Variants in DSG1 observed in about 807,000 individuals in gnomAD.
The protein encoded by DSG1 is desmoglein-1.
DSG1 carries 39 observed loss-of-function variants against 97.5 expected under a neutral mutation model. The observed-to-expected ratio is 0.40, with a 90% CI of 0.31 to 0.52. The LOEUF is 0.52. Ranked by LOEUF, DSG1 falls within the 20% of genes least tolerant of loss-of-function variation. The pLI, the probability that DSG1 is intolerant of heterozygous loss-of-function variation, is 0.53. For missense variants in DSG1, 1,311 were observed against 1,295.4 expected (o/e 1.01, Z -0.18); for synonymous variants, 475 against 443.4 (o/e 1.07, Z -0.90).
intron 6 of DSG1, 145 bp from the exon 7 acceptor site, chr18:31,333,444 T>G: frequency 1.1e-6 from 1 of 895,938 alleles, no homozygotes; most frequent in East Asian, 2.5e-5. Context: ...CATGTGAAAC[T>G]TGTGGATTTC....
intron 13 of DSG1, among the ~76,000 whole-genome samples, chr18:31,345,630 T>C (rs1051654135): frequency 4.4e-5 from 5 of 112,918 alleles, no homozygotes; most frequent in Non-Finnish European, 7.0e-5. Flanking sequence ...AGTTATACAC[T>C]GGGGCTTCTA....
At position 31,339,950 on chromosome 18, in the gene DSG1, G is replaced by T. The variant is rs34302455; in HGVS notation, c.1612G>T (p.Asp538Tyr). Residue 538 changes from aspartate (D) to tyrosine (Y), a missense_variant, in exon 11 of 15, where the codon GAT becomes TAT. Transcript: ENST00000257192. ...TTCTGAACCCGGAAACGGAGCCAAA[G>T]ATTTGTTATCAGACAATGTACATTT... ...YSSEPGNGAK[D>Y]LLSDNVHFGP... The T allele has an allele frequency of 6.2e-7, 1 of 1,613,758 alleles. No individual in the cohort carries two copies. The highest frequency in any genetic ancestry group is 1.3e-5 in the African/African-American group (1 of 74,834).
intron 1 of DSG1, among the ~76,000 whole-genome samples, chr18:31,325,771 T>G (rs1309713244): frequency 1.3e-5 from 2 of 152,170 alleles, no homozygotes; most frequent in African/African-American, 2.4e-5. Flanking sequence ...GAATAGGCTA[T>G]CTCATATTTT....
At chr18:31,324,251 G>C (rs1372723704) in intron 1 of DSG1, among the ~76,000 whole-genome samples, 1 of 150,208 alleles carries the variant, frequency 6.7e-6, no homozygotes, top group Non-Finnish European at 1.5e-5. Context: ...CAAAGTGCTG[G>C]GATTACAGGC....
chr18:31,344,146 G>A, intron 13 of DSG1, 151 bp downstream of exon 13: 1 of 675,380 alleles, frequency 1.5e-6, no homozygotes, highest in Non-Finnish European at 2.5e-6. Context: ...TAAATGGCAA[G>A]GAAAAACCTA....
At chr18:31,323,326 T>C (rs868595405) in intron 1 of DSG1, among the ~76,000 whole-genome samples, 3 of 152,320 alleles carry the variant, frequency 2.0e-5, no homozygotes, top group South Asian at 4.1e-4. Flanking sequence ...CTAGGTCATT[T>C]AGGAGAGTGT....
chr18:31,325,321 AGCACTGGC>A (rs918273704), intron 1 of DSG1, among the ~76,000 whole-genome samples: 33 of 152,234 alleles, frequency 2.2e-4, no homozygotes, highest in African/African-American at 8.0e-4. Context: ...ACAAACAGCA[AGCACTGGC>A]GCTCCAATGC....
chr18:31,338,907 C>T (rs750784944), intron 10 of DSG1, among the ~76,000 whole-genome samples: 3 of 152,062 alleles, frequency 2.0e-5, no homozygotes, highest in African/African-American at 7.2e-5. Flanking sequence ...TGTTTTTATT[C>T]ATTTATTTAG....
chr18:31,346,003 T>A lies in DSG1; in HGVS notation c.1905T>A (p.Asn635Lys). ...CAACACTTTTAGGAGTTTATACAAA[T>A]GAGTATGGTGGCAGAGAAATGCAAG... ...ECIDNSGVYT[N>K]EYGGREMQDL... Residue 635 changes from asparagine (N) to lysine (K), a missense_variant, in exon 14 of 15, where the codon AAT (asparagine) becomes AAA (lysine). Transcript: ENST00000257192. 1 of 1,613,586 alleles carries A rather than the reference T, an allele frequency of 6.2e-7. No homozygotes were observed. The highest frequency in any genetic ancestry group is 8.5e-7 in the Non-Finnish European group (1 of 1,179,662).
Position 31,329,901 on chromosome 18 carries a change from C to T in DSG1, c.382C>T (p.Arg128Ter), listed in dbSNP as rs1268442199. Residue 128 changes from arginine (R) to a stop codon, truncating the protein, a stop_gained, in exon 5 of 15, where the codon CGA (arginine) becomes TGA (stop). Coordinates refer to ENST00000257192, the MANE Select transcript of DSG1 (RefSeq NM_001942.4). LOFTEE classifies it high-confidence loss of function. ...EVTPFFIIYC[R>*]ALNSMGQDLE... Reference sequence around the variant, plus strand: ...ATCTTTTCTCTCCCAGATCTACTGCCGAGCTCTGAACTCAATGGGCCAAGA... The same window carrying T: ...ATCTTTTCTCTCCCAGATCTACTGCTGAGCTCTGAACTCAATGGGCCAAGA... 2 of 1,613,074 alleles carry T rather than the reference C, an allele frequency of 1.2e-6. No homozygotes were observed. The highest frequency in any genetic ancestry group is 1.7e-6 in the Non-Finnish European group (2 of 1,179,228).
At chr18:31,335,901 G>A (rs1568042926) in intron 8 of DSG1, among the ~76,000 whole-genome samples, 1 of 151,274 alleles carries the variant, frequency 6.6e-6, no homozygotes, top group African/African-American at 2.4e-5. Flanking sequence ...ACTTACAGAT[G>A]TGAAATTTCT....
At position 31,344,220 on chromosome 18, in the gene DSG1, G is replaced by A. The variant is rs567297003; in HGVS notation, c.1891+225G>A. Among the ~76,000 whole-genome samples the A allele has an allele frequency of 5.3e-5, 8 of 152,234 alleles. No individual in the cohort carries two copies. The South Asian group carries it at 1.7e-3, about 32-fold the overall frequency. ...TTCCTCAACCATCAAAGAGTACTTAGAAGATGTCCAAATTAGGATCTCTAT... is the reference window on the plus strand; with the variant it reads ...TTCCTCAACCATCAAAGAGTACTTAAAAGATGTCCAAATTAGGATCTCTAT... On this transcript the variant is annotated intron_variant, in intron 13 of 14. Coordinates refer to ENST00000257192, the MANE Select transcript of DSG1 (RefSeq NM_001942.4).
chr18:31,326,088 A>C (rs1452608322), intron 1 of DSG1, among the ~76,000 whole-genome samples: 1 of 152,004 alleles, frequency 6.6e-6, no homozygotes, highest in African/African-American at 2.4e-5. Flanking sequence ...TTGATCATAA[A>C]TACTTATTTT....
At chr18:31,337,220 A>AT (rs1327028318) in intron 9 of DSG1, among the ~76,000 whole-genome samples, 1 of 151,938 alleles carries the variant, frequency 6.6e-6, no homozygotes, top group East Asian at 1.9e-4. Context: ...TTACCCATGC[A>AT]TTTTTTGTTG....
rs1039387021 is a variant in DSG1, at chr18:31,332,818, A to C, written c.685-771A>C. ...TTATACATGTTTGAAAATCAACATT[A>C]GAAGAAATTGAATGTTTACACTTTT... On this transcript the variant is annotated intron_variant, in intron 6 of 14. Transcript: ENST00000257192. Among the ~76,000 whole-genome samples, 6 of 152,168 alleles carry C rather than the reference A, an allele frequency of 3.9e-5. No homozygotes were observed. The East Asian group carries it at 1.2e-3, about 29-fold the overall frequency.
chr18:31,334,277 C>A, intron 8 of DSG1, 75 bp downstream of exon 8: 1 of 1,080,726 alleles, frequency 9.3e-7, no homozygotes, highest in Non-Finnish European at 1.4e-6. Flanking sequence ...TAAAATGATG[C>A]TAACATTTCA....
intron 11 of DSG1, 90 bp downstream of exon 11, chr18:31,340,115 T>G: frequency 4.5e-6 from 6 of 1,345,664 alleles, no homozygotes; most frequent in South Asian, 1.3e-5. Flanking sequence ...AAAACGTATT[T>G]TACAAATTCT....
chr18:31,323,751 G>C (rs2071667991), intron 1 of DSG1, among the ~76,000 whole-genome samples: 1 of 151,966 alleles, frequency 6.6e-6, no homozygotes, highest in Admixed American at 6.6e-5. Context: ...ATCCCTTGCT[G>C]TCAAGCAAGT....
At chr18:31,330,612 A>T (rs977096203) in intron 5 of DSG1, among the ~76,000 whole-genome samples, 2 of 152,142 alleles carry the variant, frequency 1.3e-5, no homozygotes, top group African/African-American at 4.8e-5. Flanking sequence ...TATGGAAAGT[A>T]AAAGGGAACA....
Sources: allele counts gnomAD v4.1 joint callset (sites outside exome capture counted in the v4.1 genomes callset), GRCh38; gene constraint gnomAD v4.1.1; transcripts MANE v1.5; gene names NCBI Gene and HGNC (gene_info 2026-07-23, HGNC 2026-07-21).